GRXCR2: variants seen among roughly 807,000 people sequenced by gnomAD.
GRXCR2 encodes the protein glutaredoxin and cysteine rich domain containing 2, also known as glutaredoxin domain-containing cysteine-rich protein 2.
Under a neutral mutation model 24.8 loss-of-function variants are expected in GRXCR2, and 23 were observed. The observed-to-expected ratio is 0.93, with a 90% CI of 0.67 to 1.32. The LOEUF (loss-of-function observed/expected upper bound fraction) is 1.32. GRXCR2 is among the 40% of genes most tolerant of loss of function. The probability of loss-of-function intolerance (pLI) is 0.00; values close to 1 mark genes in which losing one functional copy is unlikely to be tolerated. For synonymous variants in GRXCR2, 130 were observed against 116.1 expected (o/e 1.12, Z -0.77); for missense variants, 315 against 303.4 (o/e 1.04, Z -0.28).
At chr5:145,925,904 T>A (rs1203788843) in intron 2 of GRXCR2, among the ~76,000 whole-genome samples, 1 of 152,038 alleles carries the variant, frequency 6.6e-6, no homozygotes, top group Non-Finnish European at 1.5e-5. Context: ...AAAAGAGACA[T>A]CTTGCACTAA....
At chr5:145,898,086 A>G (rs1581347012) in intron 2 of GRXCR2, among the ~76,000 whole-genome samples, 1 of 152,042 alleles carries the variant, frequency 6.6e-6, no homozygotes, top group African/African-American at 2.4e-5. Flanking sequence ...GACAGAGAGA[A>G]AGAGAGAGAA....
At chr5:145,919,591 G>C (rs375887112) in intron 2 of GRXCR2, among the ~76,000 whole-genome samples, 1 of 152,152 alleles carries the variant, frequency 6.6e-6, no homozygotes, top group African/African-American at 2.4e-5. Context: ...ACAAAGAAGG[G>C]TTTAAGTATT....
chr5:145,882,441 C>T (rs575170559), intron 2 of GRXCR2, among the ~76,000 whole-genome samples: 112 of 152,282 alleles, frequency 7.4e-4, no homozygotes, highest in African/African-American at 2.7e-3. Flanking sequence ...CACTGGTCAT[C>T]GGAGAAATGC....
At chr5:145,916,861 GC>G (rs1757248751) in intron 2 of GRXCR2, among the ~76,000 whole-genome samples, 1 of 152,128 alleles carries the variant, frequency 6.6e-6, no homozygotes, top group African/African-American at 2.4e-5. Context: ...TCTAGAGCAA[GC>G]CCTTGACCAC....
At chr5:145,858,144 T>C (rs796810382), downstream of GRXCR2, among the ~76,000 whole-genome samples, 20 of 151,804 alleles carry the variant, frequency 1.3e-4, no homozygotes, top group Non-Finnish European at 2.5e-4. Context: ...CGAAACCCCG[T>C]CTCTACTAAA....
At chr5:145,903,407 C>T (rs1757049585) in intron 2 of GRXCR2, among the ~76,000 whole-genome samples, 1 of 152,106 alleles carries the variant, frequency 6.6e-6, no homozygotes, top group Non-Finnish European at 1.5e-5. Context: ...AGGCAGTTTC[C>T]TCTGAAACTC....
intron 2 of GRXCR2, among the ~76,000 whole-genome samples, chr5:145,890,130 C>T (rs2149918616): frequency 6.6e-6 from 1 of 152,302 alleles, no homozygotes; most frequent in South Asian, 2.1e-4. Context: ...TCTTCTGTTG[C>T]CAGGCTGGAG....
chr5:145,926,468 C>T (rs1186393950), intron 2 of GRXCR2, among the ~76,000 whole-genome samples: 2 of 152,138 alleles, frequency 1.3e-5, no homozygotes, highest in Non-Finnish European at 2.9e-5. Flanking sequence ...TTCCCAGTAC[C>T]ATTTATTAAA....
chr5:145,892,209 T>A (rs1350589591), intron 2 of GRXCR2, among the ~76,000 whole-genome samples: 1 of 151,838 alleles, frequency 6.6e-6, no homozygotes, highest in Non-Finnish European at 1.5e-5. Context: ...AACTGGAAAC[T>A]CTAAAAATCA....
At chr5:145,913,149 A>G (rs1757190212) in intron 2 of GRXCR2, among the ~76,000 whole-genome samples, 1 of 152,232 alleles carries the variant, frequency 6.6e-6, no homozygotes, top group Non-Finnish European at 1.5e-5. Flanking sequence ...TGGTACATTC[A>G]TCATAACTGC....
At chr5:145,926,335 A>G (rs1231608781) in intron 2 of GRXCR2, among the ~76,000 whole-genome samples, 1 of 152,170 alleles carries the variant, frequency 6.6e-6, no homozygotes, top group Non-Finnish European at 1.5e-5. Flanking sequence ...TAAATCTGTA[A>G]TGATTTAAGC....
intron 2 of GRXCR2, among the ~76,000 whole-genome samples, chr5:145,900,480 A>G (rs1757009650): frequency 6.6e-6 from 1 of 152,134 alleles, no homozygotes; most frequent in South Asian, 2.1e-4. Context: ...ACTAATACAG[A>G]TACAAACAGA....
intron 2 of GRXCR2, among the ~76,000 whole-genome samples, chr5:145,908,372 C>T (rs1021119462): frequency 1.1e-4 from 17 of 152,056 alleles, no homozygotes; most frequent in Non-Finnish European, 2.1e-4. Context: ...CTAGGATGTA[C>T]ACAAGGAGGA....
At chr5:145,878,712 C>T (rs1242245710) in intron 2 of GRXCR2, among the ~76,000 whole-genome samples, 1 of 152,132 alleles carries the variant, frequency 6.6e-6, no homozygotes, top group African/African-American at 2.4e-5. Flanking sequence ...CAAAGATACT[C>T]CTCGAGAAGA....
At chr5:145,929,409 C>CT (rs1024411467) in intron 2 of GRXCR2, among the ~76,000 whole-genome samples, 2 of 151,472 alleles carry the variant, frequency 1.3e-5, no homozygotes, top group Admixed American at 6.6e-5. Context: ...TAGACTTAAA[C>CT]TTTTTTTTAC....
chr5:145,929,198 C>CAGATATATATATATATATATATATATAT (rs1554107328), intron 2 of GRXCR2, among the ~76,000 whole-genome samples: 1 of 88,422 alleles, frequency 1.1e-5, no homozygotes, highest in Non-Finnish European at 2.1e-5. Context: ...AATATTCCCC[C>CAGATATATATATATATATATATATATAT]CTATATATAT....
chr5:145,929,762 G>C (rs1192531106), intron 2 of GRXCR2, among the ~76,000 whole-genome samples: 2 of 152,128 alleles, frequency 1.3e-5, no homozygotes, highest in Non-Finnish European at 2.9e-5. Context: ...AAACATGCTT[G>C]GTAGACTATT....
At chr5:145,891,099 G>A (rs540413043) in intron 2 of GRXCR2, among the ~76,000 whole-genome samples, 10 of 152,304 alleles carry the variant, frequency 6.6e-5, no homozygotes, top group Admixed American at 2.0e-4. Context: ...CAACATTAGA[G>A]CACCCAGATT....
intron 2 of GRXCR2, among the ~76,000 whole-genome samples, chr5:145,861,838 A>G (rs892703621): frequency 6.6e-6 from 1 of 152,206 alleles, no homozygotes; most frequent in African/African-American, 2.4e-5. Context: ...AAAGGGAGGC[A>G]TACGTTTTGA....
Sources: allele counts gnomAD v4.1 joint callset (sites outside exome capture counted in the v4.1 genomes callset), GRCh38; gene constraint gnomAD v4.1.1; transcripts MANE v1.5; gene names NCBI Gene and HGNC (gene_info 2026-07-23, HGNC 2026-07-21).